The following ASCC2 variants were observed in gnomAD, a reference collection of about 807,000 sequenced individuals.
The protein encoded by ASCC2 is ASC-1 complex subunit P100.
A neutral mutation model predicts 93.5 loss-of-function variants in ASCC2; 42 were observed. That is an observed-to-expected ratio of 0.45 (90% confidence interval 0.35 to 0.58). The LOEUF (loss-of-function observed/expected upper bound fraction) is 0.58. ASCC2 is among the 20% of genes least tolerant of loss of function. The probability of loss-of-function intolerance (pLI) is 0.00; values close to 1 mark genes in which losing one functional copy is unlikely to be tolerated. For missense variants in ASCC2, 859 were observed against 977.6 expected, an observed-to-expected ratio of 0.88 and a Z score of 1.62; for synonymous variants, 364 against 384.2, an observed-to-expected ratio of 0.95 and a Z score of 0.62.
intron 2 of ASCC2, among the ~76,000 whole-genome samples, chr22:29,830,194 G>C (rs1568957933): frequency 6.6e-6 from 1 of 152,204 alleles, no homozygotes; most frequent in Non-Finnish European, 1.5e-5. Context: ...TCCAGGCACA[G>C]TGCTCATTCA....
intron 13 of ASCC2, 126 bp from the exon 14 acceptor site, chr22:29,802,334 T>C (rs2043682583): frequency 3.3e-6 from 3 of 898,816 alleles, no homozygotes; most frequent in Admixed American, 5.6e-5. Flanking sequence ...CCCTCCTGCC[T>C]GTGGGAACTT....
chr22:29,834,162 G>C (rs960988475), intron 1 of ASCC2: 1 of 168,382 alleles, frequency 5.9e-6, no homozygotes, highest in African/African-American at 2.4e-5. Flanking sequence ...ACTTGCCCAA[G>C]GTCTCACAGT....
chr22:29,825,137 G>C lies in ASCC2; in HGVS notation c.361C>G (p.Arg121Gly). The C allele has an allele frequency of 6.5e-7, 1 of 1,543,372 alleles. No homozygotes were observed. The highest frequency in any genetic ancestry group is 8.7e-7 in the Non-Finnish European group (1 of 1,145,900). Reference sequence around the variant, plus strand: ...CGGAGGAAGGTGAGAAAAACACTTCGATGGAGGCGCTTCTGCATGTCAACA... The same window carrying C: ...CGGAGGAAGGTGAGAAAAACACTTCCATGGAGGCGCTTCTGCATGTCAACA... ...EVVDMQKRLH[R>G]SVFLTFLRMS... Residue 121 changes from arginine (R) to glycine (G), a missense_variant, in exon 4 of 20, where the codon CGA becomes GGA. Arg to Gly is a moderately radical substitution (Grantham distance 125). Coordinates refer to ENST00000307790, the MANE Select transcript of ASCC2 (RefSeq NM_032204.5). This position sits in a 1 kb window ranked among gnomAD's most constrained non-coding sequence, Gnocchi z 4.9.
chr22:29,790,372 G>C, intron 19 of ASCC2, 97 bp downstream of exon 19: 2 of 1,172,686 alleles, frequency 1.7e-6, no homozygotes, highest in Non-Finnish European at 2.5e-6. Flanking sequence ...TACACGTGGA[G>C]CACTTAGGGT....
intron 15 of ASCC2, among the ~76,000 whole-genome samples, chr22:29,794,568 T>C (rs1003661051): frequency 3.3e-5 from 5 of 152,180 alleles, no homozygotes; most frequent in Non-Finnish European, 5.9e-5. Context: ...GCATCTGCCC[T>C]AAAGAAACAC....
chr22:29,810,073 C>T (rs1396041915), intron 8 of ASCC2: 2 of 152,416 alleles, frequency 1.3e-5, no homozygotes, highest in African/African-American at 4.8e-5. Flanking sequence ...ACTCCCACAG[C>T]CCTCTGGCTT....
intron 17 of ASCC2, among the ~76,000 whole-genome samples, chr22:29,792,989 T>C (rs1225432922): frequency 6.6e-6 from 1 of 151,562 alleles, no homozygotes; most frequent in Admixed American, 6.6e-5. Flanking sequence ...CCACAAAAAA[T>C]AAAAAAGTTA....
At chr22:29,822,311 C>A in intron 5 of ASCC2, 24 bp downstream of exon 5, 1 of 1,612,128 alleles carries the variant, frequency 6.2e-7, no homozygotes, top group South Asian at 1.1e-5. Flanking sequence ...TTGGTGCATC[C>A]TCCCAGTCCT....
Position 29,806,221 on chromosome 22 carries a change from T to C in ASCC2, c.1155A>G (p.Ser385=), listed in dbSNP as rs1406710878. 3 of 1,613,962 alleles carry C rather than the reference T, an allele frequency of 1.9e-6. No individual in the cohort carries two copies. The highest frequency in any genetic ancestry group is 1.7e-5 in the Admixed American group (1 of 59,986). ...EDISLLQQAS[S]VLDETRTAYI... is the part of the protein sequence containing the mutation. ...GGGCTATGGTAGAAGGATACAAGAC[T>C]GATGAGGCCTGCTGCAGCAAGCTGA... is the stretch of plus-strand genomic sequence containing the variant. The change falls in exon 12 of 20, where the codon TCA becomes TCG. Residue 385 remains serine (S), a synonymous_variant. Transcript: ENST00000307790.
intron 1 of ASCC2, among the ~76,000 whole-genome samples, chr22:29,837,794 A>C (rs1270865861): frequency 1.3e-5 from 2 of 152,168 alleles, no homozygotes; most frequent in Non-Finnish European, 2.9e-5. Flanking sequence ...CTCCCACTAG[A>C]CTGTAAGCTC....
intron 2 of ASCC2, among the ~76,000 whole-genome samples, chr22:29,827,828 CACAT>C (rs1251141726): frequency 7.6e-6 from 1 of 131,606 alleles, no homozygotes; most frequent in Non-Finnish European, 1.6e-5. Context: ...CACACACACA[CACAT>C]ACACCCAGAC....
rs955130870 is a variant in ASCC2, at chr22:29,826,776, A to C, written c.82-996T>G. 2.0e-5 allele frequency among the ~76,000 whole-genome samples: 3 copies of C among 152,134 alleles called. No homozygotes were observed. The East Asian group carries it at 5.8e-4, about 29-fold the overall frequency. ...CTCACCATCTGATGGGTGTCCTTGC[A>C]GACCTCTTCCAGGCATTTACATTAA... On this transcript the variant is annotated intron_variant, in intron 2 of 19. Coordinates refer to ENST00000307790, the MANE Select transcript of ASCC2 (RefSeq NM_032204.5).
At chr22:29,799,545 C>T (rs181488446) in intron 15 of ASCC2, among the ~76,000 whole-genome samples, 133 of 152,324 alleles carry the variant, frequency 8.7e-4, no homozygotes, top group Non-Finnish European at 1.3e-3. Flanking sequence ...ACTGGGGCTC[C>T]TACCACAGGA....
At chr22:29,794,003 A>T (rs1233203656) in intron 15 of ASCC2, among the ~76,000 whole-genome samples, 1 of 151,370 alleles carries the variant, frequency 6.6e-6, no homozygotes, top group Non-Finnish European at 1.5e-5. Context: ...GGTTCAAGCG[A>T]TTCTTCTGTC....
At chr22:29,811,996 G>C (rs1302318746) in intron 8 of ASCC2, among the ~76,000 whole-genome samples, 1 of 152,098 alleles carries the variant, frequency 6.6e-6, no homozygotes, top group Non-Finnish European at 1.5e-5. Context: ...TAAAAAAGTG[G>C]ACAGCTACAT....
At chr22:29,804,881 C>T (rs776938064) in intron 12 of ASCC2, 51 bp from the exon 13 acceptor site, 3 of 1,573,560 alleles carry the variant, frequency 1.9e-6, no homozygotes, top group Non-Finnish European at 1.7e-6. Flanking sequence ...TCTGAAGCAG[C>T]ATAATTTCTC....
chr22:29,836,766 TG>T (rs1417676259), intron 1 of ASCC2, among the ~76,000 whole-genome samples: 1 of 152,160 alleles, frequency 6.6e-6, no homozygotes, highest in Non-Finnish European at 1.5e-5. Flanking sequence ...CTGGCCAGGC[TG>T]GTCTGGAACT....
intron 1 of ASCC2, 142 bp downstream of exon 1, chr22:29,838,036 G>T (rs1046681819): frequency 2.6e-6 from 1 of 380,618 alleles, no homozygotes; most frequent in African/African-American, 2.1e-5. Flanking sequence ...CTCGAGAGGC[G>T]GCTCACAACC....
intron 7 of ASCC2, among the ~76,000 whole-genome samples, chr22:29,814,138 T>C (rs1274821288): frequency 1.3e-5 from 2 of 152,244 alleles, no homozygotes. Flanking sequence ...GGACAGCTCA[T>C]AGCTGCCTTG....
Sources: gnomAD v4.1 joint callset for allele counts (sites outside exome capture counted in the v4.1 genomes callset) on GRCh38, gnomAD v4.1.1 for gene constraint, Gnocchi (gnomAD v3.1) non-coding constraint, MANE v1.5 for transcripts, NCBI Gene and HGNC (gene_info 2026-07-23, HGNC 2026-07-21) for gene names.